The following CPED1 variants were observed in gnomAD, a reference collection of about 807,000 sequenced individuals.
The protein encoded by CPED1 is cadherin-like and PC-esterase domain-containing protein 1.
In CPED1, 114 loss-of-function variants were observed where a neutral mutation model predicts 128.2. The observed-to-expected ratio is 0.89, with a 90% CI of 0.76 to 1.04. CPED1 has a LOEUF of 1.04. Ranked by LOEUF, CPED1 falls within the 50% of genes least tolerant of loss-of-function variation. The pLI is 0.00. For synonymous variants in CPED1, 462 were observed against 426.7 expected, an observed-to-expected ratio of 1.08 and a Z score of -1.02; for missense variants, 1,211 against 1,207.1, an observed-to-expected ratio of 1.00 and a Z score of -0.05.
At position 121,263,976 on chromosome 7, in the gene CPED1, T is replaced by C. The variant is rs150165158; in HGVS notation, c.2311-2251T>C. ...CCCCCAGTACCTCATAATGTGCCTGTATTTAGGAATAGGGCCTTTGAAGAG... is the reference window on the plus strand; with the variant it reads ...CCCCCAGTACCTCATAATGTGCCTGCATTTAGGAATAGGGCCTTTGAAGAG... On this transcript the variant is annotated intron_variant, in intron 18 of 22. Transcript: ENST00000310396. 2.6e-5 allele frequency among the ~76,000 whole-genome samples: 4 copies of C among 152,182 alleles called. No homozygotes were observed. The East Asian group carries it at 7.8e-4, about 30-fold the overall frequency.
chr7:121,194,346 C>T (rs182514468), intron 16 of CPED1, among the ~76,000 whole-genome samples: 20 of 151,994 alleles, frequency 1.3e-4, no homozygotes, highest in African/African-American at 3.9e-4. Flanking sequence ...CCACTGTACC[C>T]GGCCTATAAT....
intron 12 of CPED1, among the ~76,000 whole-genome samples, chr7:121,131,669 G>A (rs1431815615): frequency 6.6e-6 from 1 of 151,886 alleles, no homozygotes; most frequent in Non-Finnish European, 1.5e-5. Context: ...CTAATGGTCA[G>A]TGTTGAGTAT....
At position 121,087,665 on chromosome 7, in the gene CPED1, C is replaced by CTTTTTTTTTTTTTTTTTTTTTTT. The variant is rs72453872; in HGVS notation, c.617-10033_617-10032insTTTTTTTTTTTTTTTTTTTTTTT. ...GGATTCTTTCTTTTTCTTTTCTTTC[C>CTTTTTTTTTTTTTTTTTTTTTTT]TGTTTTTTTTTTTTTGGCAGAGTCT... On this transcript the variant is annotated intron_variant, in intron 5 of 22. Transcript: ENST00000310396. Among the ~76,000 whole-genome samples, 55 of 131,552 alleles carry CTTTTTTTTTTTTTTTTTTTTTTT rather than the reference C, an allele frequency of 4.2e-4. 4 individuals carry two copies. Among genetic ancestry groups the CTTTTTTTTTTTTTTTTTTTTTTT allele is most frequent in the African/African-American group, 1.7e-3 (53 of 31,758 alleles). The allele number at this position is 131,552 out of a possible 152,430, so 86.3% of individuals were successfully genotyped here.
chr7:121,266,308 C>T lies in CPED1; in HGVS notation c.2392C>T (p.Gln798Ter), dbSNP rs774776728. 20 of 1,613,008 alleles carry T rather than the reference C, an allele frequency of 1.2e-5. No homozygotes were observed. Among genetic ancestry groups the T allele is most frequent in the Admixed American group, 1.7e-5 (1 of 59,874 alleles). ...GCTGAATGAAACGTTGCAGGAATGG[C>T]AGAAAGTACATGGCACTAAATTCTA... Reference protein sequence around the residue: ...ERLNETLQEWQKVHGTKFYHN... With the variant: ...ERLNETLQEW Residue 798 changes from glutamine (Q) to a stop codon, truncating the protein, a stop_gained, in exon 19 of 23, where the codon CAG becomes TAG. Transcript: ENST00000310396. LOFTEE classifies it high-confidence loss of function.
chr7:121,047,659 T>C (rs554390502), intron 4 of CPED1, among the ~76,000 whole-genome samples: 558 of 8,538 alleles, frequency 0.065, 11 homozygotes, highest in African/African-American at 0.13. Context: ...CTTCTTCTTC[T>C]TCTTCTTCTT....
intron 16 of CPED1, among the ~76,000 whole-genome samples, chr7:121,175,143 A>G (rs931129136): frequency 6.6e-6 from 1 of 152,104 alleles, no homozygotes; most frequent in African/African-American, 2.4e-5. Flanking sequence ...GGTTTTCTAG[A>G]TATAGAATCA....
chr7:121,113,825 T>C (rs1795170751), intron 7 of CPED1, among the ~76,000 whole-genome samples: 1 of 152,142 alleles, frequency 6.6e-6, no homozygotes, highest in Non-Finnish European at 1.5e-5. Flanking sequence ...ATAGTCTTAT[T>C]TGAAACTTTT....
intron 17 of CPED1, 30 bp downstream of exon 17, chr7:121,236,861 A>AAAAAAAG: frequency 8.2e-7 from 1 of 1,215,742 alleles, no homozygotes; most frequent in Non-Finnish European, 1.2e-6. Context: ...TCACTTCTCT[A>AAAAAAAG]AAAAAAGAAT....
rs1485286681 is a variant in CPED1, at chr7:121,296,426, T to C, written c.*774T>C. On this transcript the variant is annotated 3_prime_UTR_variant, in exon 23 of 23. Transcript: ENST00000310396. ...AAGTAACAAAATGTAGTTCCTCATGTATTACTGTACTATGTTTCATTGATG... is the reference window on the plus strand; with the variant it reads ...AAGTAACAAAATGTAGTTCCTCATGCATTACTGTACTATGTTTCATTGATG... The C allele has an allele frequency of 1.3e-5, 2 of 152,186 alleles. No homozygotes were observed. Among genetic ancestry groups the C allele is most frequent in the African/African-American group, 4.8e-5 (2 of 41,464 alleles). The allele number at this position is 152,186 out of a possible 1,614,324, so 9.4% of individuals were successfully genotyped here.
intron 1 of CPED1, 72 bp downstream of exon 1, chr7:120,988,984 T>A (rs1322531737): frequency 6.6e-6 from 1 of 152,382 alleles, no homozygotes; most frequent in East Asian, 1.9e-4. Context: ...AGTAACCATG[T>A]CCATTCAAAT....
rs35288728 is a variant in CPED1, at chr7:120,994,625, C to CTGTGTGTGTGTGTGTGTGTG, written c.249+4771_249+4790dup. Among the ~76,000 whole-genome samples the CTGTGTGTGTGTGTGTGTGTG allele has an allele frequency of 1.1e-3, 157 of 144,648 alleles. 1 individual carries two copies. Among genetic ancestry groups the CTGTGTGTGTGTGTGTGTGTG allele is most frequent in the African/African-American group, 3.8e-3 (145 of 38,528 alleles). The allele number at this position is 144,648 out of a possible 152,430, so 94.9% of individuals were successfully genotyped here. ...TGGAGAATTCAAAGTATTTGTTATA[C>CTGTGTGTGTGTGTGTGTGTG]TGTGTGTGTGTGTGTGTGTGTGTGT... On this transcript the variant is annotated intron_variant, in intron 2 of 22. Transcript: ENST00000310396.
chr7:121,193,135 C>T (rs573391043), intron 16 of CPED1, among the ~76,000 whole-genome samples: 2 of 152,154 alleles, frequency 1.3e-5, no homozygotes, highest in Non-Finnish European at 2.9e-5. Context: ...TACGCAGAGA[C>T]ATGGAATTTT....
At chr7:121,026,922 C>T (rs1456261955) in intron 3 of CPED1, among the ~76,000 whole-genome samples, 1 of 147,276 alleles carries the variant, frequency 6.8e-6, no homozygotes, top group Non-Finnish European at 1.5e-5. Context: ...CCTTGACATC[C>T]TGGCCTCAAT....
intron 16 of CPED1, among the ~76,000 whole-genome samples, chr7:121,227,038 A>C (rs1380661161): frequency 6.6e-6 from 1 of 152,102 alleles, no homozygotes; most frequent in Non-Finnish European, 1.5e-5. Context: ...AAAATTCTAG[A>C]GCTAAATAGA....
chr7:121,014,281 G>C (rs1248417869), intron 2 of CPED1, among the ~76,000 whole-genome samples: 1 of 152,134 alleles, frequency 6.6e-6, no homozygotes. Context: ...GGCCGGGTGC[G>C]GTGGCTCACG....
intron 22 of CPED1, among the ~76,000 whole-genome samples, chr7:121,273,253 T>C (rs1792267506): frequency 6.6e-6 from 1 of 152,100 alleles, no homozygotes; most frequent in African/African-American, 2.4e-5. Context: ...CCGAGTGTGG[T>C]AGCTCACACC....
chr7:121,152,163 A>C (rs1796174348), intron 16 of CPED1, among the ~76,000 whole-genome samples: 1 of 152,108 alleles, frequency 6.6e-6, no homozygotes, highest in South Asian at 2.1e-4. Flanking sequence ...AGTGCCCTCC[A>C]GCTCTCAGGA....
chr7:121,167,725 ATTTTTTTTT>A (rs10588976), intron 16 of CPED1, among the ~76,000 whole-genome samples: 29 of 99,238 alleles, frequency 2.9e-4, no homozygotes, highest in Admixed American at 8.5e-4. Flanking sequence ...TTTAAAGTCT[ATTTTTTTTT>A]TTTTTTTTTT....
Position 121,295,753 on chromosome 7 carries a change from C to A in CPED1, c.*101C>A. The A allele has an allele frequency of 1.1e-6, 1 of 908,982 alleles. No homozygotes were observed. Among genetic ancestry groups the A allele is most frequent in the Non-Finnish European group, 1.8e-6 (1 of 570,422 alleles). The allele number at this position is 908,982 out of a possible 1,614,324, so 56.3% of individuals were successfully genotyped here. On this transcript the variant is annotated 3_prime_UTR_variant, in exon 23 of 23. Transcript: ENST00000310396. ...GCACATCGCACACATTTGGGATCGA[C>A]CACACACACTTGTGCACACCAGCAC...
Sources: allele counts gnomAD v4.1 joint callset (sites outside exome capture counted in the v4.1 genomes callset), GRCh38; gene constraint gnomAD v4.1.1; transcripts MANE v1.5; gene names NCBI Gene and HGNC (gene_info 2026-07-23, HGNC 2026-07-21).